The following SCRN1 variants were observed in gnomAD, a reference collection of about 807,000 sequenced individuals.
SCRN1 encodes secernin-1.
SCRN1 carries 19 observed loss-of-function variants against 43.3 expected under a neutral mutation model. That is an observed-to-expected ratio of 0.44 (90% CI 0.31 to 0.64). SCRN1 has a LOEUF of 0.64. SCRN1 is among the 30% of genes least tolerant of loss of function. SCRN1 has a pLI of 0.09. For synonymous variants in SCRN1, 183 were observed against 188.9 expected (o/e 0.97, Z 0.26); for missense variants, 447 against 524.1 (o/e 0.85, Z 1.44).
intron 1 of SCRN1, among the ~76,000 whole-genome samples, chr7:29,972,557 C>T (rs1378034217): frequency 6.6e-6 from 1 of 152,132 alleles, no homozygotes; most frequent in African/African-American, 2.4e-5. Context: ...CTGGCTTTTC[C>T]ACTAAATTTT....
chr7:29,928,720 G>T (rs764680356), intron 6 of SCRN1, among the ~76,000 whole-genome samples: 1 of 152,106 alleles, frequency 6.6e-6, no homozygotes, highest in Non-Finnish European at 1.5e-5. Context: ...TAAAGACATA[G>T]GGGAGCTACC....
chr7:29,935,494 CA>C (rs560604657), intron 6 of SCRN1, among the ~76,000 whole-genome samples: 4 of 152,098 alleles, frequency 2.6e-5, no homozygotes, highest in African/African-American at 9.7e-5. Context: ...ATGGAACACC[CA>C]AAAAAACACC....
intron 7 of SCRN1, 34 bp downstream of exon 7, chr7:29,926,418 C>A: frequency 6.3e-7 from 1 of 1,599,966 alleles, no homozygotes; most frequent in Non-Finnish European, 8.5e-7. Flanking sequence ...CGCCCGCCTC[C>A]GCCTCCGCCT....
Position 29,952,694 on chromosome 7 carries a change from A to AAAG in SCRN1, c.341+2484_341+2485insCTT, listed in dbSNP as rs1554358021. 5.1e-4 allele frequency among the ~76,000 whole-genome samples: 76 copies of AAAG among 148,926 alleles called. 1 individual carries two copies. Among genetic ancestry groups the AAAG allele is most frequent in the Admixed American group, 3.1e-3 (46 of 14,980 alleles). On this transcript the variant is annotated intron_variant, in intron 3 of 7. Coordinates refer to ENST00000242059, the MANE Select transcript of SCRN1 (RefSeq NM_014766.5). Reference sequence around the variant, plus strand: ...GAGCAAGACTTGTCTAAAAAAAAAAAAGAGAGAGAGAGAGAGAATGCTGGG... The same window carrying AAAG: ...GAGCAAGACTTGTCTAAAAAAAAAAAAAGAGAGAGAGAGAGAGAGAATGCTGGG...
chr7:29,945,584 T>C (rs1047793538), intron 3 of SCRN1, among the ~76,000 whole-genome samples: 6 of 152,200 alleles, frequency 3.9e-5, no homozygotes, highest in African/African-American at 1.4e-4. Flanking sequence ...CTAGTGCTTG[T>C]GACCAGGAAA....
intron 1 of SCRN1, among the ~76,000 whole-genome samples, chr7:29,978,320 A>G (rs1219582629): frequency 6.6e-6 from 1 of 152,220 alleles, no homozygotes; most frequent in Non-Finnish European, 1.5e-5. Context: ...AAAAACTCAA[A>G]GATCTGGCAA....
rs969631266 is a variant in SCRN1, at chr7:29,945,189, C to T, written c.342-1010G>A. ...CCTTTGAAGTGAGACATCCATCTCC[C>T]CCTAGCCTTTCCAATTAATAAACCC... On this transcript the variant is annotated intron_variant, in intron 3 of 7. Transcript: ENST00000242059. 6.6e-5 allele frequency among the ~76,000 whole-genome samples: 10 copies of T among 152,194 alleles called. No individual in the cohort carries two copies. In the South Asian group the frequency reaches 1.2e-3, roughly 19 times the overall value.
chr7:29,955,722 G>T (rs1432057558), intron 2 of SCRN1, among the ~76,000 whole-genome samples: 1 of 152,124 alleles, frequency 6.6e-6, no homozygotes, highest in African/African-American at 2.4e-5. Context: ...ACCTTCAAAA[G>T]AAACTTCACC....
chr7:29,969,232 A>C, intron 1 of SCRN1, 164 bp from the exon 2 acceptor site: 1 of 673,862 alleles, frequency 1.5e-6, no homozygotes, highest in Non-Finnish European at 2.4e-6. Context: ...GGACGCCTGC[A>C]GTGGAATGAC....
intron 1 of SCRN1, among the ~76,000 whole-genome samples, chr7:29,977,909 T>C (rs1788881158): frequency 6.6e-6 from 1 of 152,218 alleles, no homozygotes; most frequent in East Asian, 1.9e-4. Context: ...AGGACTCAAT[T>C]ATTGTGAGAA....
At chr7:29,990,264 A>G, upstream of SCRN1, 1 of 1,551,468 alleles carries the variant, frequency 6.4e-7, no homozygotes, top group Non-Finnish European at 8.7e-7. Context: ...ACCCTGTCCC[A>G]GGTACTTGGA....
intron 5 of SCRN1, among the ~76,000 whole-genome samples, chr7:29,938,715 G>T (rs552454427): frequency 1.3e-5 from 2 of 152,194 alleles, no homozygotes; most frequent in Non-Finnish European, 2.9e-5. Context: ...TTCCCATAAG[G>T]AATACTTTTA....
At chr7:29,958,365 A>C (rs933757575) in intron 2 of SCRN1, among the ~76,000 whole-genome samples, 3 of 152,164 alleles carry the variant, frequency 2.0e-5, no homozygotes, top group Non-Finnish European at 4.4e-5. Context: ...ACTTACACAA[A>C]ATTTAATTAG....
intron 2 of SCRN1, among the ~76,000 whole-genome samples, chr7:29,957,220 T>G (rs1426025577): frequency 6.6e-6 from 1 of 152,256 alleles, no homozygotes; most frequent in African/African-American, 2.4e-5. Flanking sequence ...CAAAGCATTT[T>G]GTGCTAAATG....
At chr7:29,979,975 G>T (rs955386671) in intron 1 of SCRN1, among the ~76,000 whole-genome samples, 6 of 152,132 alleles carry the variant, frequency 3.9e-5, no homozygotes, top group Admixed American at 6.6e-5. Flanking sequence ...ATCCCTACAG[G>T]CTAGACCTAT....
At position 29,950,966 on chromosome 7, in the gene SCRN1, G is replaced by A. The variant is rs1294875813; in HGVS notation, c.341+4213C>T. Among the ~76,000 whole-genome samples the A allele has an allele frequency of 6.6e-6, 1 of 152,214 alleles. No homozygotes were observed. The highest frequency in any genetic ancestry group is 1.5e-5 in the Non-Finnish European group (1 of 68,042). On this transcript the variant is annotated intron_variant, in intron 3 of 7. Transcript: ENST00000242059. This position sits in a 1 kb window ranked among gnomAD's most constrained non-coding sequence, Gnocchi z 4.5. Reference sequence around the variant, plus strand: ...GAGCTTGGGACCCGCCAAATGGTGGGACTGAAAGAGCTATAACACAAACAG... The same window carrying A: ...GAGCTTGGGACCCGCCAAATGGTGGAACTGAAAGAGCTATAACACAAACAG...
intron 3 of SCRN1, 73 bp downstream of exon 3, chr7:29,955,106 T>A: frequency 3.7e-6 from 5 of 1,343,056 alleles, no homozygotes; most frequent in Non-Finnish European, 4.2e-6. Context: ...ATGCAAGGTT[T>A]AGGGAGAAAT....
At position 29,939,639 on chromosome 7, in the gene SCRN1, T is replaced by C. The variant is rs116674253; in HGVS notation, c.739+1043A>G. ...TATAAATAAATGGGTGTGGCTACAG[T>C]CCAATAAAATTTTGTTTTTAAAACA... On this transcript the variant is annotated intron_variant, in intron 5 of 7. Transcript: ENST00000242059. 3.5e-3 allele frequency among the ~76,000 whole-genome samples: 527 copies of C among 152,284 alleles called. 6 individuals are homozygous for C. Among genetic ancestry groups the C allele is most frequent in the African/African-American group, 0.012 (511 of 41,552 alleles).
chr7:29,943,981 G>A lies in SCRN1; in HGVS notation c.540C>T (p.Val180=). ...CCATCATCCACACCCACTCACCTGTGACTTTCTCGGCAGCCCAGTACTTCC... is the reference window on the plus strand; with the variant it reads ...CCATCATCCACACCCACTCACCTGTAACTTTCTCGGCAGCCCAGTACTTCC... ...TIGKYWAAEK[V]TEGVRCICSQ... The change falls in exon 4 of 8, where the codon GTC becomes GTT. Residue 180 remains valine, a synonymous_variant. Transcript: ENST00000242059. The A allele has an allele frequency of 6.2e-7, 1 of 1,614,080 alleles. No homozygotes were observed. Among genetic ancestry groups the A allele is most frequent in the Non-Finnish European group, 8.5e-7 (1 of 1,180,008 alleles).
Sources: gnomAD v4.1 joint callset for allele counts (sites outside exome capture counted in the v4.1 genomes callset) on GRCh38, gnomAD v4.1.1 for gene constraint, Gnocchi (gnomAD v3.1) non-coding constraint, MANE v1.5 for transcripts, NCBI Gene and HGNC (gene_info 2026-07-23, HGNC 2026-07-21) for gene names.